GLIS1: variants seen among roughly 807,000 people sequenced by gnomAD.
GLIS1 encodes the protein zinc finger protein GLIS1.
GLIS1 carries 24 observed loss-of-function variants against 63.8 expected under a neutral mutation model. The observed-to-expected ratio is 0.38, with a 90% CI of 0.27 to 0.53. The LOEUF (loss-of-function observed/expected upper bound fraction) is 0.53. Ranked by LOEUF, GLIS1 falls within the 20% of genes least tolerant of loss-of-function variation. GLIS1 has a pLI of 0.85. For synonymous variants in GLIS1, 450 were observed against 482.5 expected (o/e 0.93, Z 0.88); for missense variants, 1,036 against 1,074.1 (o/e 0.96, Z 0.50).
intron 4 of GLIS1, among the ~76,000 whole-genome samples, chr1:53,589,455 C>T (rs1397233039): frequency 2.0e-5 from 3 of 152,126 alleles, no homozygotes; most frequent in Admixed American, 1.3e-4. Flanking sequence ...GCCAGAAGCC[C>T]CAGGATTATG....
At chr1:53,645,570 T>A (rs555764426) in intron 2 of GLIS1, among the ~76,000 whole-genome samples, 10 of 152,244 alleles carry the variant, frequency 6.6e-5, no homozygotes, top group African/African-American at 2.2e-4. Flanking sequence ...TGATAGGGGA[T>A]GGCCGAGGGG....
chr1:53,725,284 T>G (rs1451484926), intron 2 of GLIS1, among the ~76,000 whole-genome samples: 1 of 152,170 alleles, frequency 6.6e-6, no homozygotes, highest in African/African-American at 2.4e-5. Context: ...TCCACCAGTG[T>G]CCTGTAGAGG....
intron 2 of GLIS1, among the ~76,000 whole-genome samples, chr1:53,626,780 C>G (rs1421732375): frequency 6.6e-6 from 1 of 152,214 alleles, no homozygotes; most frequent in African/African-American, 2.4e-5. Flanking sequence ...AGGTGCAGAC[C>G]CCAGGGTCCA....
intron 2 of GLIS1, among the ~76,000 whole-genome samples, chr1:53,667,923 T>C (rs1257977224): frequency 2.0e-5 from 3 of 152,216 alleles, no homozygotes; most frequent in African/African-American, 7.2e-5. Context: ...ATGGCTTCAA[T>C]AGTTCTCTAC....
At chr1:53,510,151 C>T in intron 8 of GLIS1, 124 bp from the exon 9 acceptor site, 6 of 449,736 alleles carry the variant, frequency 1.3e-5, no homozygotes, top group Non-Finnish European at 2.2e-5. Flanking sequence ...CCTGCTCCGA[C>T]TTACAATAGT....
chr1:53,691,936 T>C (rs1434908030), intron 2 of GLIS1, among the ~76,000 whole-genome samples: 1 of 152,134 alleles, frequency 6.6e-6, no homozygotes, highest in Non-Finnish European at 1.5e-5. Context: ...AGTCCCACCA[T>C]GGCAGCAGCA....
intron 6 of GLIS1, among the ~76,000 whole-genome samples, chr1:53,521,669 C>T (rs1038651430): frequency 6.6e-6 from 1 of 152,178 alleles, no homozygotes; most frequent in Non-Finnish European, 1.5e-5. Context: ...CACGATGGAT[C>T]AGTATATAGA....
intron 2 of GLIS1, among the ~76,000 whole-genome samples, chr1:53,722,757 G>A (rs984263916): frequency 3.3e-5 from 5 of 151,162 alleles, no homozygotes; most frequent in Non-Finnish European, 7.4e-5. Flanking sequence ...ACCTGAGCCC[G>A]GGGAGGTGGA....
intron 4 of GLIS1, among the ~76,000 whole-genome samples, chr1:53,545,107 A>C (rs1644684725): frequency 6.6e-6 from 1 of 152,186 alleles, no homozygotes; most frequent in Admixed American, 6.5e-5. Flanking sequence ...CTGGATTCAA[A>C]TCCTGATTCC....
chr1:53,516,432 G>A (rs1002200044), intron 7 of GLIS1, among the ~76,000 whole-genome samples: 4 of 152,066 alleles, frequency 2.6e-5, no homozygotes, highest in Admixed American at 1.3e-4. Context: ...GCAGCATGGC[G>A]GGGAGCAAAA....
chr1:53,552,548 T>C (rs1215541474), intron 4 of GLIS1, among the ~76,000 whole-genome samples: 1 of 152,246 alleles, frequency 6.6e-6, no homozygotes, highest in African/African-American at 2.4e-5. Flanking sequence ...GGGGACCCTC[T>C]GGTTTTCCTC....
At chr1:53,700,619 T>A (rs1646513542) in intron 2 of GLIS1, among the ~76,000 whole-genome samples, 1 of 152,176 alleles carries the variant, frequency 6.6e-6, no homozygotes. Context: ...CTTTTTAAAT[T>A]TGAGATACAA....
intron 2 of GLIS1, among the ~76,000 whole-genome samples, chr1:53,628,965 G>A (rs1284802047): frequency 1.3e-5 from 2 of 152,046 alleles, no homozygotes; most frequent in East Asian, 1.9e-4. Context: ...AACGACCTGG[G>A]GAACTTGAAA....
At chr1:53,720,466 G>T (rs575021402) in intron 2 of GLIS1, among the ~76,000 whole-genome samples, 105 of 152,286 alleles carry the variant, frequency 6.9e-4, no homozygotes, top group South Asian at 1.2e-3. Context: ...TGGAGGTAGA[G>T]GGTAGAATGG....
intron 4 of GLIS1, among the ~76,000 whole-genome samples, chr1:53,592,154 G>A (rs2100524234): frequency 6.6e-6 from 1 of 152,226 alleles, no homozygotes; most frequent in South Asian, 2.1e-4. Flanking sequence ...CCTGGCCGCA[G>A]AGAGAGAGAC....
Position 53,570,724 on chromosome 1 carries a change from T to C in GLIS1, c.1320+23384A>G, listed in dbSNP as rs116624727. ...GATTTGCAGATCACTAGTAAAAAGA[T>C]AGGCAATCCAACAAACGGCTCCCAG... On this transcript the variant is annotated intron_variant, in intron 4 of 10. Transcript: ENST00000628545. 3.2e-3 allele frequency among the ~76,000 whole-genome samples: 483 copies of C among 152,256 alleles called. 3 individuals are homozygous for C. Among genetic ancestry groups the C allele is most frequent in the African/African-American group, 0.01 (436 of 41,544 alleles).
At chr1:53,575,776 G>A (rs989085790) in intron 4 of GLIS1, among the ~76,000 whole-genome samples, 7 of 152,174 alleles carry the variant, frequency 4.6e-5, no homozygotes, top group Non-Finnish European at 7.4e-5. Context: ...AGCAGCACTG[G>A]GCTGGGATGG....
chr1:53,663,795 C>G (rs1398074287), intron 2 of GLIS1, among the ~76,000 whole-genome samples: 1 of 152,240 alleles, frequency 6.6e-6, no homozygotes, highest in South Asian at 2.1e-4. Flanking sequence ...GGCTGAGCCA[C>G]GGCTCCCTCC....
chr1:53,509,015 C>T (rs1473290008), intron 10 of GLIS1, 105 bp downstream of exon 10: 1 of 1,189,736 alleles, frequency 8.4e-7, no homozygotes, highest in Admixed American at 2.7e-5. Flanking sequence ...GATGGCCCCA[C>T]CACATAAGCA....
Sources: allele counts gnomAD v4.1 joint callset (sites outside exome capture counted in the v4.1 genomes callset), GRCh38; gene constraint gnomAD v4.1.1; transcripts MANE v1.5; gene names NCBI Gene and HGNC (gene_info 2026-07-23, HGNC 2026-07-21).